Variants in PTPRG observed in about 807,000 individuals in gnomAD.
PTPRG encodes protein tyrosine phosphatase receptor type G, also known as receptor-type tyrosine-protein phosphatase gamma.
A neutral mutation model predicts 165.3 loss-of-function variants in PTPRG; 102 were observed. That is an observed-to-expected ratio of 0.62 (90% CI 0.53 to 0.73). The LOEUF is 0.73. Ranked by LOEUF, PTPRG falls within the 30% of genes least tolerant of loss-of-function variation. PTPRG has a pLI of 0.00. For missense variants in PTPRG, 1,866 were observed against 1,861.4 expected (o/e 1.00, Z -0.05); for synonymous variants, 675 against 669.5 (o/e 1.01, Z -0.13).
At chr3:61,908,711 G>A (rs561513160) in intron 2 of PTPRG, among the ~76,000 whole-genome samples, 10 of 152,270 alleles carry the variant, frequency 6.6e-5, no homozygotes, top group Admixed American at 5.9e-4. Flanking sequence ...GACATAATGA[G>A]AATCTGTTGG....
chr3:61,871,913 G>C (rs1249345169), intron 2 of PTPRG, among the ~76,000 whole-genome samples: 2 of 152,090 alleles, frequency 1.3e-5, no homozygotes, highest in African/African-American at 4.8e-5. Flanking sequence ...AAGAATCCAG[G>C]GATCTGTGTT....
At chr3:61,799,218 T>G (rs1559618277) in intron 2 of PTPRG, among the ~76,000 whole-genome samples, 1 of 152,094 alleles carries the variant, frequency 6.6e-6, no homozygotes, top group Non-Finnish European at 1.5e-5. Flanking sequence ...TTTTCTATTG[T>G]TAACCATTTA....
At chr3:61,756,412 C>T (rs2033635704) in intron 2 of PTPRG, among the ~76,000 whole-genome samples, 2 of 152,126 alleles carry the variant, frequency 1.3e-5, no homozygotes, top group Admixed American at 1.3e-4. Context: ...CACATATGGT[C>T]ACACACTAAT....
intron 1 of PTPRG, among the ~76,000 whole-genome samples, chr3:61,578,839 C>T (rs1208216556): frequency 1.3e-5 from 2 of 152,200 alleles, no homozygotes; most frequent in Admixed American, 6.5e-5. Context: ...GAGGTTCCCC[C>T]GATGGAAATA....
chr3:62,008,293 G>C (rs1274663379), intron 4 of PTPRG, among the ~76,000 whole-genome samples: 4 of 152,200 alleles, frequency 2.6e-5, no homozygotes, highest in Admixed American at 2.6e-4. Context: ...TTGCATGCTT[G>C]TTGTTTGAGG....
chr3:61,642,232 T>A (rs923515870), intron 1 of PTPRG, among the ~76,000 whole-genome samples: 1 of 152,104 alleles, frequency 6.6e-6, no homozygotes, highest in Non-Finnish European at 1.5e-5. Flanking sequence ...TATGCCTCTC[T>A]CTCCTTGGGG....
chr3:62,209,864 G>T (rs1559654103), intron 12 of PTPRG, among the ~76,000 whole-genome samples: 1 of 152,128 alleles, frequency 6.6e-6, no homozygotes, highest in Non-Finnish European at 1.5e-5. Flanking sequence ...TTAGATTTCC[G>T]GAGAGGTTGG....
At chr3:61,987,831 G>A (rs765068675) in intron 2 of PTPRG, among the ~76,000 whole-genome samples, 11 of 152,018 alleles carry the variant, frequency 7.2e-5, no homozygotes, top group African/African-American at 2.4e-4. Context: ...CATTCCTTAC[G>A]TCTCGTTCGT....
chr3:62,271,527 G>A lies in PTPRG; in HGVS notation c.3154G>A (p.Glu1052Lys). 1 of 1,613,758 alleles carries A rather than the reference G, an allele frequency of 6.2e-7. No homozygotes were observed. The highest frequency in any genetic ancestry group is 2.2e-5 in the East Asian group (1 of 44,858). Residue 1052 changes from glutamate to lysine, a missense_variant, in exon 21 of 30, where the codon GAA (glutamate) becomes AAA (lysine). Physicochemically the swap from Glu to Lys is moderately conservative, Grantham distance 56. Transcript: ENST00000474889. This position sits in a 1 kb window ranked among gnomAD's most constrained non-coding sequence, Gnocchi z 4.1. The part of the protein sequence containing the change: ...VRRSSAARMP[E>K]TGPVLVHCSA... ...GAGATCCTCAGCAGCTCGGATGCCAGAAACGGGCCCTGTGTTGGTGCACTG... is the reference window on the plus strand; with the variant it reads ...GAGATCCTCAGCAGCTCGGATGCCAAAAACGGGCCCTGTGTTGGTGCACTG...
chr3:61,988,664 G>A (rs185811443), intron 2 of PTPRG, among the ~76,000 whole-genome samples: 12 of 152,194 alleles, frequency 7.9e-5, no homozygotes, highest in African/African-American at 2.9e-4. Flanking sequence ...AAATTGTGAA[G>A]TTTTTTTCTT....
chr3:61,659,668 A>G (rs977181627), intron 1 of PTPRG, among the ~76,000 whole-genome samples: 1 of 152,082 alleles, frequency 6.6e-6, no homozygotes, highest in African/African-American at 2.4e-5. Flanking sequence ...ATGGATAGAG[A>G]CTGCTTAGAC....
chr3:61,564,782 C>T (rs1699865452), intron 1 of PTPRG, among the ~76,000 whole-genome samples: 1 of 152,196 alleles, frequency 6.6e-6, no homozygotes, highest in Non-Finnish European at 1.5e-5. Flanking sequence ...CCTCGGCCAC[C>T]TCCACGCCTC....
chr3:61,872,658 A>C (rs1213569421), intron 2 of PTPRG, among the ~76,000 whole-genome samples: 1 of 152,148 alleles, frequency 6.6e-6, no homozygotes, highest in Non-Finnish European at 1.5e-5. Context: ...GTATATGGAA[A>C]GGGTTTCAGT....
chr3:61,793,465 G>A (rs1221843866), intron 2 of PTPRG, among the ~76,000 whole-genome samples: 2 of 152,212 alleles, frequency 1.3e-5, no homozygotes, highest in Non-Finnish European at 2.9e-5. Context: ...TCCTGGCCTA[G>A]AAGGTAGAAA....
chr3:61,803,473 C>T (rs1470908159), intron 2 of PTPRG, among the ~76,000 whole-genome samples: 2 of 111,230 alleles, frequency 1.8e-5, no homozygotes, highest in Admixed American at 1.7e-4. Context: ...TTTTGGACAA[C>T]ATGGTTCATG....
intron 8 of PTPRG, among the ~76,000 whole-genome samples, chr3:62,184,244 G>A (rs1159698481): frequency 2.6e-5 from 4 of 152,202 alleles, no homozygotes; most frequent in Non-Finnish European, 5.9e-5. Context: ...AAATGATTCA[G>A]ATGGAAATGC....
Position 61,940,886 on chromosome 3 carries a change from G to T in PTPRG, c.191-48739G>T, listed in dbSNP as rs371054950. Among the ~76,000 whole-genome samples, 43 of 152,086 alleles carry T rather than the reference G, an allele frequency of 2.8e-4. No individual in the cohort carries two copies. The South Asian group carries it at 5.2e-3, about 18-fold the overall frequency. On this transcript the variant is annotated intron_variant, in intron 2 of 29. Coordinates refer to ENST00000474889, the MANE Select transcript of PTPRG (RefSeq NM_002841.4). Reference sequence around the variant, plus strand: ...TCACCGTGTTAGCCAGGATGATCTCGATCTCCTGACCTCATGATCCGCCCG... The same window carrying T: ...TCACCGTGTTAGCCAGGATGATCTCTATCTCCTGACCTCATGATCCGCCCG...
At chr3:61,595,173 C>A (rs1311098972) in intron 1 of PTPRG, among the ~76,000 whole-genome samples, 1 of 151,658 alleles carries the variant, frequency 6.6e-6, no homozygotes, top group Non-Finnish European at 1.5e-5. Context: ...CGAAACCGAA[C>A]AAGATGTGTT....
At chr3:62,178,501 T>A (rs919768004) in intron 8 of PTPRG, among the ~76,000 whole-genome samples, 1 of 152,174 alleles carries the variant, frequency 6.6e-6, no homozygotes, top group Non-Finnish European at 1.5e-5. Context: ...AGCCACCTTT[T>A]ACTCTGACCA....
Sources: gnomAD v4.1 joint callset for allele counts (sites outside exome capture counted in the v4.1 genomes callset) on GRCh38, gnomAD v4.1.1 for gene constraint, Gnocchi (gnomAD v3.1) non-coding constraint, MANE v1.5 for transcripts, NCBI Gene and HGNC (gene_info 2026-07-23, HGNC 2026-07-21) for gene names.